Variants in BATF2 observed in about 807,000 individuals in gnomAD.
BATF2 encodes the protein basic leucine zipper ATF-like transcription factor 2, also known as basic leucine zipper transcriptional factor ATF-like 2.
BATF2 carries 4 observed loss-of-function variants against 7.3 expected under a neutral mutation model. The ratio of observed to expected loss-of-function variants is 0.55; its 90% confidence interval spans 0.27 to 1.26. The LOEUF is 1.26. BATF2 is among the 50% of genes most tolerant of loss of function. The pLI is 0.11. For synonymous variants in BATF2, 152 were observed against 153.9 expected (o/e 0.99, Z 0.09); for missense variants, 295 against 340.5 (o/e 0.87, Z 1.05).
rs369434797 is a variant in BATF2 at position 64,996,297 on chromosome 11, C to T, written c.39+579G>A. Among the ~76,000 whole-genome samples, 14 of 152,220 alleles carry T rather than the reference C, an allele frequency of 9.2e-5. No individual in the cohort carries two copies. In the South Asian group the frequency reaches 2.7e-3, roughly 29 times the overall value. On this transcript the variant is annotated intron_variant, in intron 1 of 2. Transcript: ENST00000301887. ...ATTGAGACAGAGTCTCTCTCTGTCA[C>T]CCAGGCTGGAGTGCAGTGACATGAG...
intron 2 of BATF2, chr11:64,990,081 A>G (rs1946063651): frequency 2.6e-6 from 4 of 1,535,922 alleles, no homozygotes; most frequent in Admixed American, 2.0e-5. Context: ...CACCTGGGAT[A>G]TGCACGGGCC....
In BATF2 at chr11:64,989,534, T is replaced by C. The variant is rs143080238; in HGVS notation, c.420A>G (p.Pro140=). ...GGAGGCTGGGAGAATCATGAGGCTG[T>C]GGACCTGGAGAGAGCGGCTGAGCTG... ...CYPAQPLSPG[P]QPHDSPSLLQ... The change falls in exon 3 of 3, where the codon CCA becomes CCG. Residue 140 remains proline (P), a synonymous_variant. Transcript: ENST00000301887. The surrounding 1 kb of genome is among the most constrained non-coding windows in gnomAD (Gnocchi z 4.3). The C allele has an allele frequency of 1.3e-6, 2 of 1,593,598 alleles. No homozygotes were observed. The highest frequency in any genetic ancestry group is 2.7e-5 in the African/African-American group (2 of 74,512).
Position 64,989,165 on chromosome 11 carries a change from G to A in BATF2, c.789C>T (p.Ala263=). ...CTTGAGCAGAGGAGAGCAGAGGAAA[G>A]GCCAGGAGAGGGTGAGGGCTGGGAT... The part of the protein sequence containing the change: ...VVDPSPHPLL[A]FPLLSSAQVH... The change falls in exon 3 of 3, where the codon GCC becomes GCT. Residue 263 remains alanine, a synonymous_variant. Coordinates refer to ENST00000301887, the MANE Select transcript of BATF2 (RefSeq NM_138456.4). This position sits in a 1 kb window ranked among gnomAD's most constrained non-coding sequence, Gnocchi z 4.3. 5 of 1,614,206 alleles carry A rather than the reference G, an allele frequency of 3.1e-6. No individual in the cohort carries two copies. Among genetic ancestry groups the A allele is most frequent in the Non-Finnish European group, 4.2e-6 (5 of 1,180,036 alleles).
At chr11:64,994,705 G>A (rs1053543348) in intron 1 of BATF2, among the ~76,000 whole-genome samples, 156 bp from the exon 2 acceptor site, 1 of 152,186 alleles carries the variant, frequency 6.6e-6, no homozygotes, top group East Asian at 1.9e-4. Flanking sequence ...ACCCCCTATA[G>A]CAGGCACTGC....
chr11:64,989,852 A>G lies in BATF2; in HGVS notation c.142-40T>C, dbSNP rs1156684545. On this transcript the variant is annotated intron_variant, in intron 2 of 2. Transcript: ENST00000301887. This position sits in a 1 kb window ranked among gnomAD's most constrained non-coding sequence, Gnocchi z 4.3. Reference sequence around the variant, plus strand: ...ATGGGCGGGGAGGGGAACCTCAGCCAGTGTCAGGGGCCCCGCATGAGCCTT... The same window carrying G: ...ATGGGCGGGGAGGGGAACCTCAGCCGGTGTCAGGGGCCCCGCATGAGCCTT... 4 of 1,607,496 alleles carry G rather than the reference A, an allele frequency of 2.5e-6. No homozygotes were observed. The South Asian group carries it at 3.3e-5, about 13-fold the overall frequency.
rs1371297280 is a variant in BATF2, at chr11:64,989,571, C to A, written c.383G>T (p.Gly128Val). 1 of 1,590,722 alleles carries A rather than the reference C, an allele frequency of 6.3e-7. No homozygotes were observed. The highest frequency in any genetic ancestry group is 2.3e-5 in the East Asian group (1 of 43,486). The change falls in exon 3 of 3, where the codon GGT (glycine) becomes GTT (valine). Residue 128 changes from glycine to valine, a missense_variant. Gly to Val is a moderately radical substitution (Grantham distance 109, BLOSUM62 -3). Transcript: ENST00000301887. The surrounding 1 kb of genome is among the most constrained non-coding windows in gnomAD (Gnocchi z 4.3). Reference protein sequence around the residue: ...REQLELFQTPGSCYPAQPLSP... With the variant: ...REQLELFQTPVSCYPAQPLSP... ...GAGCGGCTGAGCTGGGTAACAGGAA[C>A]CCGGGGTCTGGAACAGCTCCAGCTG... is the stretch of plus-strand genomic sequence containing the variant.
At chr11:64,993,813 T>G (rs1946092930) in intron 2 of BATF2, among the ~76,000 whole-genome samples, 1 of 151,740 alleles carries the variant, frequency 6.6e-6, no homozygotes, top group South Asian at 2.1e-4. Context: ...TTTTTTTTTC[T>G]ATAGACAGGG....
At chr11:64,993,621 A>G (rs1946091979) in intron 2 of BATF2, among the ~76,000 whole-genome samples, 1 of 152,150 alleles carries the variant, frequency 6.6e-6, no homozygotes, top group Non-Finnish European at 1.5e-5. Context: ...CAGTAAAGGA[A>G]GCAACTTGCA....
At position 64,994,674 on chromosome 11, in the gene BATF2, A is replaced by G. The variant is rs1034570082; in HGVS notation, c.40-125T>C. 3.4e-6 allele frequency: 3 copies of G among 879,900 alleles called. No individual in the cohort carries two copies. The African/African-American group carries it at 5.0e-5, about 15-fold the overall frequency. The allele number at this position is 879,900 out of a possible 1,614,324, so 54.5% of individuals were successfully genotyped here. A position where few individuals can be genotyped will look rare whatever the true frequency, so the allele number is the denominator to read the frequency against. ...AGTTCCCAAGGGTCTTTTATCTCCC[A>G]GAAGCTCCCTTGGCACCCACACCCC... On this transcript the variant is annotated intron_variant, in intron 1 of 2. Transcript: ENST00000301887.
intron 2 of BATF2, among the ~76,000 whole-genome samples, chr11:64,994,138 G>A (rs1362499333): frequency 6.6e-6 from 1 of 152,124 alleles, no homozygotes; most frequent in Non-Finnish European, 1.5e-5. Flanking sequence ...TGGCCATTGT[G>A]TTGGGGTCTC....
chr11:64,991,248 C>G (rs1278173764), intron 2 of BATF2, among the ~76,000 whole-genome samples: 2 of 151,402 alleles, frequency 1.3e-5, no homozygotes, highest in Admixed American at 6.6e-5. Context: ...CCTCTGCCTC[C>G]CAGGTTCAAA....
At position 64,989,296 on chromosome 11, in the gene BATF2, C is replaced by A. The variant is rs1453687352; in HGVS notation, c.658G>T (p.Gly220Trp). The A allele has an allele frequency of 6.3e-7, 1 of 1,589,452 alleles. No homozygotes were observed. Among genetic ancestry groups the A allele is most frequent in the East Asian group, 2.2e-5 (1 of 44,672 alleles). ...GAGGAAGGGTTGTCGGGAGAGGACCCCAGCTTCCCTCTGGTGGGATGCTCC... is the reference window on the plus strand; with the variant it reads ...GAGGAAGGGTTGTCGGGAGAGGACCACAGCTTCCCTCTGGTGGGATGCTCC... Reference protein sequence around the residue: ...ELEHPTRGKLGSSPDNPSSAL... With the variant: ...ELEHPTRGKLWSSPDNPSSAL... Residue 220 changes from glycine to tryptophan, a missense_variant, in exon 3 of 3, where the codon GGG becomes TGG. Gly to Trp is a radical substitution (Grantham distance 184). Coordinates refer to ENST00000301887, the MANE Select transcript of BATF2 (RefSeq NM_138456.4). This position sits in a 1 kb window ranked among gnomAD's most constrained non-coding sequence, Gnocchi z 4.3.
At position 64,989,551 on chromosome 11, in the gene BATF2, G is replaced by C; in HGVS notation, c.403C>G (p.Pro135Ala). The C allele has an allele frequency of 1.3e-6, 2 of 1,587,958 alleles. No homozygotes were observed. Among genetic ancestry groups the C allele is most frequent in the South Asian group, 1.1e-5 (1 of 88,828 alleles). ...QTPGSCYPAQ[P>A]LSPGPQPHDS... is the part of the protein sequence containing the mutation. ...TGAGGCTGTGGACCTGGAGAGAGCG[G>C]CTGAGCTGGGTAACAGGAACCCGGG... Residue 135 changes from proline to alanine, a missense_variant, in exon 3 of 3, where the codon CCG (proline) becomes GCG (alanine). By Grantham distance (27) the Pro-to-Ala change is conservative. Coordinates refer to ENST00000301887, the MANE Select transcript of BATF2 (RefSeq NM_138456.4). This position sits in a 1 kb window ranked among gnomAD's most constrained non-coding sequence, Gnocchi z 4.3.
In BATF2 at chr11:64,996,911, G is replaced by A. The variant is rs992247724; in HGVS notation, c.4C>T (p.His2Tyr). 9 of 1,600,870 alleles carry A rather than the reference G, an allele frequency of 5.6e-6. No individual in the cohort carries two copies. The highest frequency in any genetic ancestry group is 6.8e-6 in the Non-Finnish European group (8 of 1,172,980). The change falls in exon 1 of 3, where the codon CAC becomes TAC. Residue 2 changes from histidine (H) to tyrosine (Y), a missense_variant. Coordinates refer to ENST00000301887, the MANE Select transcript of BATF2 (RefSeq NM_138456.4). ...AGCAGCCCATTGCCCCCACAGAGGT[G>A]CATGGCTTAGGCGGGGGAGCAGAGT... M[H>Y]LCGGNGLLTQ... is the part of the protein sequence containing the mutation.
intron 2 of BATF2, 147 bp downstream of exon 2, chr11:64,994,301 A>T: frequency 1.3e-6 from 1 of 744,464 alleles, no homozygotes; most frequent in Non-Finnish European, 2.2e-6. Flanking sequence ...AATGTCAGCC[A>T]CAGGATCCTT....
In BATF2 at chr11:64,989,915, C is replaced by T. The variant is rs1179391145; in HGVS notation, c.142-103G>A. The T allele has an allele frequency of 2.1e-6, 3 of 1,457,742 alleles. No homozygotes were observed. The East Asian group carries it at 7.4e-5, about 36-fold the overall frequency. The allele number at this position is 1,457,742 out of a possible 1,614,324, so 90.3% of individuals were successfully genotyped here. On this transcript the variant is annotated intron_variant, in intron 2 of 2. Coordinates refer to ENST00000301887, the MANE Select transcript of BATF2 (RefSeq NM_138456.4). This position sits in a 1 kb window ranked among gnomAD's most constrained non-coding sequence, Gnocchi z 4.3. ...GGTCCTCAACTTCAGGAGAAAGATG[C>T]CACCACCATTGGAATAGCCAAGTGG...
At chr11:64,990,212 T>C in intron 2 of BATF2, 1 of 1,535,660 alleles carries the variant, frequency 6.5e-7, no homozygotes. Context: ...TGTGGTAGAA[T>C]TCCAGGCCTG....
rs758330515 is a variant in BATF2 at position 64,989,590 on chromosome 11, C to T, written c.364G>A (p.Glu122Lys). 1.8e-5 allele frequency: 29 copies of T among 1,599,300 alleles called. No homozygotes were observed. In the South Asian group the frequency reaches 3.1e-4, roughly 17 times the overall value. ...QGQHGCREQLELFQTPGSCYP... is the reference protein window; with the variant it reads ...QGQHGCREQLKLFQTPGSCYP... Reference sequence around the variant, plus strand: ...CAGGAACCCGGGGTCTGGAACAGCTCCAGCTGCTCCCGGCAGCCATGTTGT... The same window carrying T: ...CAGGAACCCGGGGTCTGGAACAGCTTCAGCTGCTCCCGGCAGCCATGTTGT... Residue 122 changes from glutamate (E) to lysine (K), a missense_variant, in exon 3 of 3, where the codon GAG becomes AAG. By Grantham distance (56) the Glu-to-Lys change is moderately conservative. Transcript: ENST00000301887. This position sits in a 1 kb window ranked among gnomAD's most constrained non-coding sequence, Gnocchi z 4.3.
intron 2 of BATF2, among the ~76,000 whole-genome samples, chr11:64,992,026 TTTG>T (rs531151977): frequency 1.3e-5 from 2 of 151,902 alleles, no homozygotes; most frequent in Admixed American, 1.3e-4. Context: ...ATCGCCTTTT[TTTG>T]TTGTTGTTGT....
Sources: gnomAD v4.1 joint callset for allele counts (sites outside exome capture counted in the v4.1 genomes callset) on GRCh38, gnomAD v4.1.1 for gene constraint, Gnocchi (gnomAD v3.1) non-coding constraint, MANE v1.5 for transcripts, NCBI Gene and HGNC (gene_info 2026-07-23, HGNC 2026-07-21) for gene names.